Variants in IGSF5 observed in about 807,000 individuals in gnomAD.
The protein encoded by IGSF5 is immunoglobulin superfamily member 5, also known as immunoglobulin superfamily 5 like.
Under a neutral mutation model 39.4 loss-of-function variants are expected in IGSF5, and 41 were observed. The observed-to-expected ratio is 1.04, with a 90% CI of 0.81 to 1.35. The LOEUF is 1.35. Ranked by LOEUF, IGSF5 falls within the 40% of genes most tolerant of loss-of-function variation. The pLI is 0.00. For synonymous variants in IGSF5, 183 were observed against 175.3 expected (o/e 1.04, Z -0.34); for missense variants, 487 against 494.6 (o/e 0.98, Z 0.15).
chr21:39,786,481 G>T (rs1296158583), intron 5 of IGSF5, among the ~76,000 whole-genome samples: 8 of 146,982 alleles, frequency 5.4e-5, no homozygotes, highest in Non-Finnish European at 1.2e-4. Context: ...AGGATGTGGA[G>T]AAATAGGAAC....
At chr21:39,714,914 C>A in the IGSF5 span, among the ~76,000 whole-genome samples, 2 of 152,074 alleles carry the variant, frequency 1.3e-5, no homozygotes, top group Admixed American at 6.5e-5. Flanking sequence ...TGGGTTCTAC[C>A]AACTGTCAAG....
chr21:39,724,191 T>A, the IGSF5 span, among the ~76,000 whole-genome samples: 3 of 152,242 alleles, frequency 2.0e-5, no homozygotes, highest in South Asian at 6.2e-4. Context: ...ATAATAGAAT[T>A]AAGTGGAAAT....
At chr21:39,747,499 C>A (rs937047232) in intron 2 of IGSF5, among the ~76,000 whole-genome samples, 3 of 152,194 alleles carry the variant, frequency 2.0e-5, no homozygotes, top group Admixed American at 6.5e-5. Flanking sequence ...GAAGAAGCTC[C>A]TCTGCCAACA....
intron 2 of IGSF5, among the ~76,000 whole-genome samples, chr21:39,754,095 T>G (rs1487530393): frequency 6.6e-6 from 1 of 152,218 alleles, no homozygotes; most frequent in Non-Finnish European, 1.5e-5. Context: ...CCTGTGAGAT[T>G]TATGCTTTAA....
chr21:39,800,177 AT>A (rs1260163617), intron 8 of IGSF5, among the ~76,000 whole-genome samples: 2 of 152,100 alleles, frequency 1.3e-5, no homozygotes, highest in Admixed American at 1.3e-4. Context: ...AATGTTTTTT[AT>A]TTTGGCGAAT....
chr21:39,754,151 G>C (rs532148559), intron 2 of IGSF5, among the ~76,000 whole-genome samples: 7 of 152,310 alleles, frequency 4.6e-5, no homozygotes, highest in African/African-American at 1.7e-4. Flanking sequence ...TCAAGATTTA[G>C]AACTCCTTTT....
At chr21:39,730,867 G>C in the IGSF5 span, among the ~76,000 whole-genome samples, 2 of 152,198 alleles carry the variant, frequency 1.3e-5, no homozygotes, top group African/African-American at 4.8e-5. Context: ...CCAACTATTC[G>C]GGCATGCAAT....
chr21:39,716,518 A>C, the IGSF5 span, among the ~76,000 whole-genome samples: 1 of 151,698 alleles, frequency 6.6e-6, no homozygotes, highest in South Asian at 2.1e-4. Context: ...GCTCAAGCAG[A>C]CCCCACTGTC....
the IGSF5 span, among the ~76,000 whole-genome samples, chr21:39,731,668 A>G: frequency 6.6e-6 from 1 of 152,176 alleles, no homozygotes; most frequent in Non-Finnish European, 1.5e-5. Flanking sequence ...AGCTGAGAAG[A>G]GCCCCTAAGT....
upstream of IGSF5, among the ~76,000 whole-genome samples, chr21:39,741,163 C>T (rs1337111433): frequency 3.3e-5 from 5 of 152,054 alleles, no homozygotes; most frequent in South Asian, 2.1e-4. Flanking sequence ...AAGCTTAGCA[C>T]TGGGGCTTGC....
At chr21:39,735,986 C>CA in the IGSF5 span, among the ~76,000 whole-genome samples, 1 of 152,192 alleles carries the variant, frequency 6.6e-6, no homozygotes, top group Non-Finnish European at 1.5e-5. Context: ...AGATAAAAGG[C>CA]AAACTCTTGA....
upstream of IGSF5, among the ~76,000 whole-genome samples, chr21:39,743,042 T>G (rs2079954764): frequency 6.6e-6 from 1 of 152,216 alleles, no homozygotes; most frequent in South Asian, 2.1e-4. Flanking sequence ...TAGGATTTTC[T>G]TCCTTTCCCT....
chr21:39,795,579 G>A (rs954311715), intron 8 of IGSF5, among the ~76,000 whole-genome samples: 7 of 151,490 alleles, frequency 4.6e-5, no homozygotes, highest in African/African-American at 1.7e-4. Flanking sequence ...AATGTGAGGT[G>A]CATTTGGATA....
intron 8 of IGSF5, among the ~76,000 whole-genome samples, chr21:39,795,219 A>C (rs961622548): frequency 6.6e-6 from 1 of 152,048 alleles, no homozygotes; most frequent in African/African-American, 2.4e-5. Flanking sequence ...TGATGCATTT[A>C]ATTTGGAGCT....
At chr21:39,774,161 C>G (rs995825144) in intron 4 of IGSF5, among the ~76,000 whole-genome samples, 6 of 152,184 alleles carry the variant, frequency 3.9e-5, no homozygotes, top group African/African-American at 1.4e-4. Flanking sequence ...TCCAGTGCAG[C>G]TGGTGGCTGG....
At chr21:39,733,151 A>T in the IGSF5 span, among the ~76,000 whole-genome samples, 1 of 152,200 alleles carries the variant, frequency 6.6e-6, no homozygotes, top group East Asian at 1.9e-4. Context: ...ACATAAATTC[A>T]TCTCAGTATT....
chr21:39,797,657 CG>C (rs1365096183), intron 8 of IGSF5, among the ~76,000 whole-genome samples: 4 of 152,124 alleles, frequency 2.6e-5, no homozygotes, highest in African/African-American at 9.7e-5. Flanking sequence ...GCTAGGACTA[CG>C]GGCACTTGCT....
the IGSF5 span, among the ~76,000 whole-genome samples, chr21:39,713,077 C>G: frequency 1.3e-5 from 2 of 152,192 alleles, no homozygotes; most frequent in African/African-American, 4.8e-5. Flanking sequence ...AGCAAGTTTA[C>G]CCATCTGCCA....
At chr21:39,743,476 C>G (rs2079956503), upstream of IGSF5, among the ~76,000 whole-genome samples, 1 of 152,246 alleles carries the variant, frequency 6.6e-6, no homozygotes, top group Non-Finnish European at 1.5e-5. Context: ...AAGTTACATG[C>G]ACTCTGGCTG....
Sources: gnomAD v4.1 joint callset for allele counts (sites outside exome capture counted in the v4.1 genomes callset) on GRCh38, gnomAD v4.1.1 for gene constraint, MANE v1.5 for transcripts, NCBI Gene and HGNC (gene_info 2026-07-23, HGNC 2026-07-21) for gene names.